BIRC6: variants seen among roughly 807,000 people sequenced by gnomAD.
The protein encoded by BIRC6 is baculoviral IAP repeat containing 6.
A neutral mutation model predicts 503.3 loss-of-function variants in BIRC6; 98 were observed. That is an observed-to-expected ratio of 0.19 (90% CI 0.17 to 0.23). The LOEUF (loss-of-function observed/expected upper bound fraction) is 0.23, where lower values mean the gene tolerates loss of function less well. BIRC6 is among the 10% of genes least tolerant of loss of function. The probability of loss-of-function intolerance (pLI) is 1.00; values close to 1 mark genes in which losing one functional copy is unlikely to be tolerated. For missense variants in BIRC6, 5,360 were observed against 5,806.0 expected (o/e 0.92, Z 2.50); for synonymous variants, 2,240 against 2,078.7 (o/e 1.08, Z -2.11).
chr2:32,401,996 G>A (rs55788900), intron 8 of BIRC6, among the ~76,000 whole-genome samples: 9,068 of 152,138 alleles, frequency 0.06, 428 homozygotes, highest in Admixed American at 0.14. Context: ...TTCAGTTTCC[G>A]TTTTTTCATT....
chr2:32,464,837 TAAATAGGTGTTGGCTTAGACATTTAA>T lies in BIRC6; in HGVS notation c.5256+20_5256+45del. 1 of 1,589,094 alleles carries T rather than the reference TAAATAGGTGTTGGCTTAGACATTTAA, an allele frequency of 6.3e-7. No homozygotes were observed. The highest frequency in any genetic ancestry group is 2.2e-5 in the East Asian group (1 of 44,644). ...AAGTCCAGAATGGTAAATTATGTTT[TAAATAGGTGTTGGCTTAGACATTTAA>T]AAATATCTTGAAATATACTCTAACT... On this transcript the variant is annotated intron_variant, in intron 25 of 73. Coordinates refer to ENST00000421745, the MANE Select transcript of BIRC6 (RefSeq NM_016252.4).
Position 32,599,825 on chromosome 2 carries a change from A to G in BIRC6, c.13917A>G (p.Ser4639=). 6.2e-7 allele frequency: 1 copy of G among 1,613,720 alleles called. No individual in the cohort carries two copies. The highest frequency in any genetic ancestry group is 1.1e-5 in the South Asian group (1 of 91,064). ...ATTTTCCTCAAGATTATCCCAGTTC[A>G]CCCCCTCTTGTGAATCTAGAGACAA... ...DVYFPQDYPS[S]PPLVNLETTG... is the part of the protein sequence containing the mutation. Residue 4639 remains serine, a synonymous_variant, in exon 70 of 74, where the codon TCA becomes TCG. Coordinates refer to ENST00000421745, the MANE Select transcript of BIRC6 (RefSeq NM_016252.4).
intron 66 of BIRC6, among the ~76,000 whole-genome samples, chr2:32,592,947 G>T (rs1190855387): frequency 6.6e-6 from 1 of 152,044 alleles, no homozygotes; most frequent in South Asian, 2.1e-4. Context: ...GTTCTCTAAG[G>T]CTCCATGACC....
Position 32,479,603 on chromosome 2 carries a change from C to T in BIRC6, c.7394C>T (p.Thr2465Ile), listed in dbSNP as rs2050153226. Residue 2465 changes from threonine (T) to isoleucine (I), a missense_variant, in exon 37 of 74, where the codon ACA becomes ATA. Thr to Ile is a moderately conservative substitution (Grantham distance 89, BLOSUM62 -1). This residue lies in a region of BIRC6 where 2,299 missense variants were observed against 2,267.2 expected (regional missense o/e 1.01). Transcript: ENST00000421745. ...QLLETIDEPL[T>I]HDITGAPPLS... is the part of the protein sequence containing the mutation. ...CTGGAAACTATAGATGAACCTTTGACACATGACATAACAGGTAAAGTTTTA... is the reference window on the plus strand; with the variant it reads ...CTGGAAACTATAGATGAACCTTTGATACATGACATAACAGGTAAAGTTTTA... The T allele has an allele frequency of 6.8e-6, 11 of 1,606,760 alleles. No homozygotes were observed. The highest frequency in any genetic ancestry group is 9.4e-6 in the Non-Finnish European group (11 of 1,175,584).
chr2:32,374,274 G>C (rs889906433), intron 1 of BIRC6, among the ~76,000 whole-genome samples: 1 of 151,500 alleles, frequency 6.6e-6, no homozygotes. Context: ...TTGTTCCATT[G>C]AGCTATATGT....
chr2:32,454,068 G>A lies in BIRC6; in HGVS notation c.4753+126G>A, dbSNP rs540650078. 1.5e-4 allele frequency: 122 copies of A among 795,134 alleles called. 3 individuals carry two copies. In the South Asian group the frequency reaches 3.0e-3, roughly 19 times the overall value. 49.3% of individuals were successfully genotyped at this position (795,134 alleles called of 1,614,324 possible). A position where few individuals can be genotyped will look rare whatever the true frequency, so the allele number is the denominator to read the frequency against. ...TGCTGTTAAGTGGAAATTTATTTGT[G>A]GGAGGGGCATTTGGGGGAAATATAA... On this transcript the variant is annotated intron_variant, in intron 23 of 73. Coordinates refer to ENST00000421745, the MANE Select transcript of BIRC6 (RefSeq NM_016252.4).
At chr2:32,426,311 C>G (rs915479880) in intron 10 of BIRC6, among the ~76,000 whole-genome samples, 2 of 152,072 alleles carry the variant, frequency 1.3e-5, no homozygotes, top group African/African-American at 2.4e-5. Context: ...TGTTATAAAC[C>G]CAACAGAATG....
chr2:32,388,671 T>G (rs187769109), intron 3 of BIRC6, 79 bp from the exon 4 acceptor site: 8 of 1,070,226 alleles, frequency 7.5e-6, no homozygotes, highest in Non-Finnish European at 9.1e-6. Context: ...GTGTTCTTTA[T>G]TTGATAATGG....
rs527928466 is a variant in BIRC6, at chr2:32,463,322, G to A, written c.4882G>A (p.Glu1628Lys). 1.9e-6 allele frequency: 3 copies of A among 1,613,742 alleles called. No homozygotes were observed. Among genetic ancestry groups the A allele is most frequent in the East Asian group, 2.2e-5 (1 of 44,858 alleles). ...QSLSHAMASAEQQLQVLQEKQ... is the reference protein window; with the variant it reads ...QSLSHAMASAKQQLQVLQEKQ... ...TCTCTCTCATGCAATGGCTTCAGCC[G>A]AGCAACAGCTACAGGTGCTGCAAGA... The change falls in exon 24 of 74, where the codon GAG (glutamate) becomes AAG (lysine). Residue 1628 changes from glutamate (E) to lysine (K), a missense_variant. Around this residue, in one of 16 missense-constraint regions of BIRC6, gnomAD observed 2,299 missense variants for 2,267.2 expected, o/e 1.01. Transcript: ENST00000421745.
intron 6 of BIRC6, among the ~76,000 whole-genome samples, chr2:32,397,180 G>C (rs2039993328): frequency 6.6e-6 from 1 of 152,048 alleles, no homozygotes; most frequent in Admixed American, 6.6e-5. Flanking sequence ...CATAGAGAGT[G>C]AAGCTGTGGG....
intron 1 of BIRC6, among the ~76,000 whole-genome samples, chr2:32,369,941 AAAAAATATATATATATATAT>A (rs1389849382): frequency 1.3e-4 from 6 of 46,042 alleles, no homozygotes; most frequent in African/African-American, 6.9e-4. Flanking sequence ...AAAAAAAAAA[AAAAAATATATATATATATAT>A]ATATATATAT....
chr2:32,538,829 G>A (rs1342803654), intron 61 of BIRC6, among the ~76,000 whole-genome samples: 1 of 152,220 alleles, frequency 6.6e-6, no homozygotes, highest in Non-Finnish European at 1.5e-5. Flanking sequence ...CTACTTGAGA[G>A]GCTGAGGCAG....
intron 65 of BIRC6, chr2:32,564,776 A>G (rs2059418937): frequency 6.6e-6 from 1 of 152,386 alleles, no homozygotes; most frequent in African/African-American, 2.4e-5. Context: ...AGGATGGGAA[A>G]TGCTGACATC....
chr2:32,526,161 A>G (rs2056251384), intron 59 of BIRC6, among the ~76,000 whole-genome samples: 1 of 152,194 alleles, frequency 6.6e-6, no homozygotes, highest in Non-Finnish European at 1.5e-5. Flanking sequence ...CCGACCTCAT[A>G]TGACGGTTAC....
chr2:32,358,688 C>T (rs543543629), intron 1 of BIRC6, among the ~76,000 whole-genome samples: 71 of 152,102 alleles, frequency 4.7e-4, no homozygotes, highest in Non-Finnish European at 6.8e-4. Context: ...GAGTAAATGG[C>T]AATTTAGGGA....
chr2:32,390,119 C>T (rs965230688), intron 4 of BIRC6, among the ~76,000 whole-genome samples: 1 of 151,964 alleles, frequency 6.6e-6, no homozygotes, highest in African/African-American at 2.4e-5. Flanking sequence ...CTTGGCCTCC[C>T]AAAGTGCTGG....
chr2:32,548,981 T>C (rs1201892917), intron 64 of BIRC6: 1 of 165,650 alleles, frequency 6.0e-6, no homozygotes, highest in Non-Finnish European at 1.3e-5. Flanking sequence ...TATAAAGTTC[T>C]AAGATTTTGT....
chr2:32,422,016 A>G (rs942081842), intron 10 of BIRC6, among the ~76,000 whole-genome samples: 1 of 152,114 alleles, frequency 6.6e-6, no homozygotes, highest in Non-Finnish European at 1.5e-5. Flanking sequence ...ACTGTTTCAT[A>G]ATTGTTACAT....
intron 1 of BIRC6, among the ~76,000 whole-genome samples, chr2:32,375,824 C>G (rs1317559499): frequency 6.7e-6 from 1 of 150,196 alleles, no homozygotes; most frequent in Non-Finnish European, 1.5e-5. Flanking sequence ...TCGAGCATCA[C>G]TAGTGTTACC....
Sources: gnomAD v4.1 joint callset for allele counts (sites outside exome capture counted in the v4.1 genomes callset) on GRCh38, gnomAD v4.1.1 for gene constraint, gnomAD v4.1.1 regional missense constraint, MANE v1.5 for transcripts, NCBI Gene and HGNC (gene_info 2026-07-23, HGNC 2026-07-21) for gene names.